Variants in EVI5 observed in about 807,000 individuals in gnomAD.
EVI5 encodes ecotropic viral integration site 5, also known as ecotropic viral integration site 5 protein homolog.
In EVI5, 73 loss-of-function variants were observed where a neutral mutation model predicts 112.0. That is an observed-to-expected ratio of 0.65 (90% CI 0.54 to 0.79). The LOEUF (loss-of-function observed/expected upper bound fraction) is 0.79, where lower values mean the gene tolerates loss of function less well. EVI5 is among the 30% of genes least tolerant of loss of function. The pLI is 0.00. For synonymous variants in EVI5, 305 were observed against 319.9 expected, an observed-to-expected ratio of 0.95 and a Z score of 0.50; for missense variants, 900 against 968.8, an observed-to-expected ratio of 0.93 and a Z score of 0.94.
chr1:92,670,785 G>C (rs555784980), intron 10 of EVI5, among the ~76,000 whole-genome samples: 48 of 152,034 alleles, frequency 3.2e-4, no homozygotes, highest in Non-Finnish European at 6.2e-4. Flanking sequence ...GAAAAAAACT[G>C]AGGCAATTAG....
intron 19 of EVI5, among the ~76,000 whole-genome samples, chr1:92,528,141 T>C (rs1387287814): frequency 6.6e-6 from 1 of 152,228 alleles, no homozygotes; most frequent in East Asian, 1.9e-4. Flanking sequence ...ACTGAATAAC[T>C]TAATTCTGTG....
intron 19 of EVI5, among the ~76,000 whole-genome samples, chr1:92,541,040 C>G (rs866479812): frequency 1.3e-5 from 2 of 152,140 alleles, no homozygotes; most frequent in Middle Eastern, 3.2e-3. Flanking sequence ...TGCCACTGCA[C>G]TCCAGCCTGA....
intron 16 of EVI5, among the ~76,000 whole-genome samples, chr1:92,623,494 T>C (rs1305144413): frequency 2.6e-5 from 4 of 152,208 alleles, no homozygotes; most frequent in African/African-American, 9.6e-5. Flanking sequence ...GCCTTTACCA[T>C]GCAAATGGGT....
At chr1:92,518,518 C>T (rs972086231) in intron 19 of EVI5, among the ~76,000 whole-genome samples, 11 of 152,080 alleles carry the variant, frequency 7.2e-5, no homozygotes, top group Admixed American at 1.3e-4. Context: ...ACAAGTCCTA[C>T]CCAAGAATTC....
chr1:92,618,221 C>CA, intron 16 of EVI5, among the ~76,000 whole-genome samples: 1 of 152,256 alleles, frequency 6.6e-6, no homozygotes, highest in Non-Finnish European at 1.5e-5. Flanking sequence ...CAAGTGGCAC[C>CA]ACTCACCATC....
chr1:92,574,415 G>C (rs940915876), intron 18 of EVI5, among the ~76,000 whole-genome samples: 1 of 152,164 alleles, frequency 6.6e-6, no homozygotes, highest in African/African-American at 2.4e-5. Context: ...ACAATTAAAT[G>C]TGATGGTGCA....
chr1:92,527,473 T>C (rs777966268), intron 19 of EVI5, among the ~76,000 whole-genome samples: 1 of 150,188 alleles, frequency 6.7e-6, no homozygotes, highest in Non-Finnish European at 1.5e-5. Context: ...AAAGTATGTA[T>C]TTAGGCTCAT....
intron 1 of EVI5, chr1:92,756,043 CA>C (rs1680907408): frequency 4.1e-6 from 1 of 246,026 alleles, no homozygotes; most frequent in Admixed American, 4.8e-5. Flanking sequence ...CTCTATCTAG[CA>C]GCTGTATTTA....
intron 2 of EVI5, among the ~76,000 whole-genome samples, chr1:92,705,741 A>G (rs1254553772): frequency 6.6e-6 from 1 of 152,242 alleles, no homozygotes; most frequent in African/African-American, 2.4e-5. Flanking sequence ...ACTATTTTAT[A>G]TAGCTACTAC....
intron 16 of EVI5, among the ~76,000 whole-genome samples, chr1:92,607,980 C>A (rs550909822): frequency 1.8e-4 from 27 of 151,272 alleles, no homozygotes; most frequent in African/African-American, 6.5e-4. Context: ...CCCGTCTCTA[C>A]TAAAATTACA....
chr1:92,630,368 T>C (rs1351827791), intron 14 of EVI5, among the ~76,000 whole-genome samples: 1 of 152,224 alleles, frequency 6.6e-6, no homozygotes, highest in African/African-American at 2.4e-5. Context: ...TTCTAACTGG[T>C]ATGAGATGGT....
intron 16 of EVI5, among the ~76,000 whole-genome samples, chr1:92,615,361 C>A (rs1652891453): frequency 6.6e-6 from 1 of 152,128 alleles, no homozygotes; most frequent in African/African-American, 2.4e-5. Context: ...TAAGATTGCC[C>A]TGAATGAGAG....
At chr1:92,713,297 C>CACAATACT (rs1012768236) in intron 2 of EVI5, among the ~76,000 whole-genome samples, 2 of 151,562 alleles carry the variant, frequency 1.3e-5, no homozygotes, top group African/African-American at 4.9e-5. Context: ...TACCATACTA[C>CACAATACT]ACAATACTAG....
intron 18 of EVI5, among the ~76,000 whole-genome samples, chr1:92,565,577 ATCCTCTGACTTAG>A (rs1223032316): frequency 1.3e-5 from 2 of 152,208 alleles, no homozygotes; most frequent in Non-Finnish European, 2.9e-5. Context: ...GACCTTGAAC[ATCCTCTGACTTAG>A]TCCTCTGACT....
At chr1:92,520,078 G>A (rs1181284549) in intron 19 of EVI5, among the ~76,000 whole-genome samples, 2 of 152,060 alleles carry the variant, frequency 1.3e-5, no homozygotes, top group African/African-American at 2.4e-5. Context: ...TAGGCATGCA[G>A]TTTCTTTTGG....
At chr1:92,703,788 T>G in intron 3 of EVI5, 169 bp from the exon 4 acceptor site, 1 of 573,216 alleles carries the variant, frequency 1.7e-6, no homozygotes. Flanking sequence ...AGGGTAAGAT[T>G]GGGCCCTGGG....
chr1:92,579,330 G>A lies in EVI5; in HGVS notation c.2071-15593C>T, dbSNP rs149737292. ...TAAATCAACTGATCAGACTATTAGT[G>A]TATTCAAATTTAATAAGAGAGCCAA... is the stretch of plus-strand genomic sequence containing the variant. On this transcript the variant is annotated intron_variant, in intron 18 of 19. Transcript: ENST00000684568. 1.9e-4 allele frequency among the ~76,000 whole-genome samples: 29 copies of A among 152,216 alleles called. 2 individuals carry two copies. In the East Asian group the frequency reaches 5.6e-3, roughly 29 times the overall value.
intron 18 of EVI5, among the ~76,000 whole-genome samples, chr1:92,570,576 T>C (rs1207137880): frequency 9.2e-5 from 14 of 152,138 alleles, no homozygotes; most frequent in Admixed American, 9.2e-4. Flanking sequence ...GCAAATAAGA[T>C]GACAAAGGCC....
chr1:92,550,412 G>A (rs1368032839), intron 19 of EVI5, among the ~76,000 whole-genome samples: 6 of 150,558 alleles, frequency 4.0e-5, no homozygotes, highest in Non-Finnish European at 3.0e-5. Flanking sequence ...GAGTTAATGG[G>A]TGCAGCACAC....
Sources: gnomAD v4.1 joint callset for allele counts (sites outside exome capture counted in the v4.1 genomes callset) on GRCh38, gnomAD v4.1.1 for gene constraint, MANE v1.5 for transcripts, NCBI Gene and HGNC (gene_info 2026-07-23, HGNC 2026-07-21) for gene names.